Variants in ANTXR1 observed in about 807,000 individuals in gnomAD.
ANTXR1 encodes anthrax toxin receptor 1.
ANTXR1 carries 19 observed loss-of-function variants against 78.1 expected under a neutral mutation model. That is an observed-to-expected ratio of 0.24 (90% CI 0.17 to 0.36). The LOEUF (loss-of-function observed/expected upper bound fraction) is 0.36. ANTXR1 is among the 10% of genes least tolerant of loss of function. The pLI is 1.00. For synonymous variants in ANTXR1, 273 were observed against 260.5 expected, an observed-to-expected ratio of 1.05 and a Z score of -0.46; for missense variants, 518 against 718.6, an observed-to-expected ratio of 0.72 and a Z score of 3.19.
In ANTXR1 at chr2:69,158,176, C is replaced by T. The variant is rs187518710; in HGVS notation, c.1047+5912C>T. Among the ~76,000 whole-genome samples the T allele has an allele frequency of 3.3e-4, 50 of 152,314 alleles. 1 individual carries two copies. The East Asian group carries it at 9.1e-3, about 28-fold the overall frequency. On this transcript the variant is annotated intron_variant, in intron 13 of 17. Transcript: ENST00000303714. The stretch of plus-strand genomic sequence containing the variant: ...CAGTGCCTGGCTCAAAGCTGCTGCT[C>T]AGTGTATCTCAAAGTTCATTAGCAG...
intron 13 of ANTXR1, among the ~76,000 whole-genome samples, chr2:69,160,729 G>A (rs1673658740): frequency 6.6e-6 from 1 of 152,122 alleles, no homozygotes; most frequent in Non-Finnish European, 1.5e-5. Flanking sequence ...TTTACTGCAG[G>A]ACTTCTCAGA....
At chr2:69,104,185 C>T (rs1407096198) in intron 10 of ANTXR1, among the ~76,000 whole-genome samples, 6 of 152,088 alleles carry the variant, frequency 3.9e-5, no homozygotes, top group African/African-American at 7.2e-5. Flanking sequence ...ATGATCCACC[C>T]GCCTCGGCTT....
intron 17 of ANTXR1, among the ~76,000 whole-genome samples, chr2:69,236,541 A>G (rs1283476482): frequency 2.0e-5 from 3 of 152,112 alleles, no homozygotes; most frequent in Non-Finnish European, 2.9e-5. Context: ...TATTGGAACT[A>G]TGAATGAATA....
chr2:69,087,609 T>A (rs1228320669), intron 8 of ANTXR1, among the ~76,000 whole-genome samples: 2 of 152,144 alleles, frequency 1.3e-5, no homozygotes, highest in Non-Finnish European at 2.9e-5. Flanking sequence ...AGTTATCTTA[T>A]CCCTCTCTCC....
At chr2:69,034,347 G>A (rs1671614199) in intron 1 of ANTXR1, among the ~76,000 whole-genome samples, 2 of 152,154 alleles carry the variant, frequency 1.3e-5, no homozygotes, top group African/African-American at 4.8e-5. Flanking sequence ...GTGGACCCAA[G>A]AGTATTGAAA....
At chr2:69,063,340 GA>G (rs896421419) in intron 3 of ANTXR1, among the ~76,000 whole-genome samples, 30 of 148,882 alleles carry the variant, frequency 2.0e-4, no homozygotes, top group African/African-American at 5.7e-4. Flanking sequence ...TTTTTATTAG[GA>G]AAAAAAAATG....
At chr2:69,169,028 TG>T (rs1673904479) in intron 13 of ANTXR1, among the ~76,000 whole-genome samples, 1 of 152,026 alleles carries the variant, frequency 6.6e-6, no homozygotes, top group Non-Finnish European at 1.5e-5. Flanking sequence ...AATGGTAGGG[TG>T]GGTAACAGCG....
At chr2:69,231,778 T>C (rs1675604211) in intron 17 of ANTXR1, among the ~76,000 whole-genome samples, 1 of 152,084 alleles carries the variant, frequency 6.6e-6, no homozygotes, top group African/African-American at 2.4e-5. Context: ...CCAGGATTTC[T>C]TACATGGAGG....
At chr2:69,159,350 G>A (rs1460366393) in intron 13 of ANTXR1, among the ~76,000 whole-genome samples, 1 of 152,072 alleles carries the variant, frequency 6.6e-6, no homozygotes, top group Admixed American at 6.6e-5. Context: ...GAGGCAGGAG[G>A]ATCACTTGAG....
rs10221792 is a variant in ANTXR1 at position 69,145,601 on chromosome 2, T to G, written c.952-6568T>G. 2.7e-3 allele frequency: 3,626 copies of G among 1,353,316 alleles called. 82 individuals are homozygous for G. The African/African-American group carries it at 0.048, about 18-fold the overall frequency. 83.8% of individuals were successfully genotyped at this position (1,353,316 alleles called of 1,614,324 possible). On this transcript the variant is annotated intron_variant, in intron 12 of 17. Coordinates refer to ENST00000303714, the MANE Select transcript of ANTXR1 (RefSeq NM_032208.3). Reference sequence around the variant, plus strand: ...TTTCAAGACCTTACTGGAGGCACTTTATTGGCTACATAATCACTCCATGCG... The same window carrying G: ...TTTCAAGACCTTACTGGAGGCACTTGATTGGCTACATAATCACTCCATGCG...
chr2:69,172,774 C>T (rs1674029927), intron 14 of ANTXR1, among the ~76,000 whole-genome samples: 1 of 152,128 alleles, frequency 6.6e-6, no homozygotes, highest in South Asian at 2.1e-4. Flanking sequence ...TTCTATGTAA[C>T]CAACGGTGAC....
intron 17 of ANTXR1, among the ~76,000 whole-genome samples, chr2:69,221,713 C>T (rs767516934): frequency 1.7e-4 from 26 of 151,518 alleles, no homozygotes; most frequent in Non-Finnish European, 3.2e-4. Flanking sequence ...CCTGTTGCAT[C>T]ACCTCAAAAT....
chr2:69,135,714 A>G (rs1672889742), intron 12 of ANTXR1, among the ~76,000 whole-genome samples: 1 of 152,170 alleles, frequency 6.6e-6, no homozygotes, highest in Non-Finnish European at 1.5e-5. Context: ...ACTTAATGAC[A>G]TATCCTCAGC....
intron 17 of ANTXR1, among the ~76,000 whole-genome samples, chr2:69,201,686 G>A (rs979636248): frequency 6.6e-6 from 1 of 152,196 alleles, no homozygotes; most frequent in African/African-American, 2.4e-5. Flanking sequence ...CTGCCTGGGT[G>A]TAGAGGATGA....
chr2:69,099,201 G>A (rs1671529025), intron 9 of ANTXR1, among the ~76,000 whole-genome samples: 5 of 152,148 alleles, frequency 3.3e-5, no homozygotes, highest in Admixed American at 3.3e-4. Flanking sequence ...TATAAAGGGA[G>A]TCATGCAATA....
chr2:69,058,475 A>T (rs1339494164), intron 3 of ANTXR1, among the ~76,000 whole-genome samples: 1 of 152,146 alleles, frequency 6.6e-6, no homozygotes, highest in Non-Finnish European at 1.5e-5. Flanking sequence ...ATGACAGCAC[A>T]TCTGTTTACT....
At chr2:69,159,744 G>T (rs1673627664) in intron 13 of ANTXR1, among the ~76,000 whole-genome samples, 1 of 152,022 alleles carries the variant, frequency 6.6e-6, no homozygotes, top group Non-Finnish European at 1.5e-5. Flanking sequence ...GTTTTCAGTG[G>T]CCTTATAGGT....
chr2:69,153,088 T>A (rs894806574), intron 13 of ANTXR1, among the ~76,000 whole-genome samples: 1 of 152,146 alleles, frequency 6.6e-6, no homozygotes, highest in South Asian at 2.1e-4. Context: ...AACAAATCAG[T>A]GTGTGCTGTG....
At chr2:69,203,182 C>T (rs142565128) in intron 17 of ANTXR1, among the ~76,000 whole-genome samples, 39 of 152,240 alleles carry the variant, frequency 2.6e-4, no homozygotes, top group African/African-American at 8.9e-4. Context: ...GGAAAGTCTC[C>T]TGACCTTTTA....
Sources: gnomAD v4.1 joint callset for allele counts (sites outside exome capture counted in the v4.1 genomes callset) on GRCh38, gnomAD v4.1.1 for gene constraint, MANE v1.5 for transcripts, NCBI Gene and HGNC (gene_info 2026-07-23, HGNC 2026-07-21) for gene names.